IRAK4: variants seen among roughly 807,000 people sequenced by gnomAD.
IRAK4 encodes interleukin 1 receptor associated kinase 4.
In IRAK4, 44 loss-of-function variants were observed where a neutral mutation model predicts 51.8. That is an observed-to-expected ratio of 0.85 (90% confidence interval 0.67 to 1.09). The LOEUF (loss-of-function observed/expected upper bound fraction) is 1.09. IRAK4 is among the 50% of genes least tolerant of loss of function. The probability of loss-of-function intolerance (pLI) is 0.00; values close to 1 mark genes in which losing one functional copy is unlikely to be tolerated. For missense variants in IRAK4, 487 were observed against 538.0 expected, an observed-to-expected ratio of 0.91 and a Z score of 0.94; for synonymous variants, 149 against 174.1, an observed-to-expected ratio of 0.86 and a Z score of 1.13.
At chr12:43,771,558 G>A (rs940921316) in intron 3 of IRAK4, among the ~76,000 whole-genome samples, 193 bp downstream of exon 3, 2 of 152,210 alleles carry the variant, frequency 1.3e-5, no homozygotes, top group African/African-American at 4.8e-5. Context: ...TGCTGCTAAG[G>A]TGATAGAAGC....
At chr12:43,763,616 T>C (rs572760487) in intron 1 of IRAK4, among the ~76,000 whole-genome samples, 147 of 152,226 alleles carry the variant, frequency 9.7e-4, no homozygotes, top group African/African-American at 3.4e-3. Context: ...TACAATAGTT[T>C]TTAAGAGGGT....
chr12:43,760,027 G>C (rs1939319972), intron 1 of IRAK4, among the ~76,000 whole-genome samples: 1 of 152,182 alleles, frequency 6.6e-6, no homozygotes, highest in Admixed American at 6.5e-5. Context: ...CCCTTTCTTG[G>C]AGTGGTCCTT....
chr12:43,764,114 GAATT>G (rs1340741580), intron 1 of IRAK4, among the ~76,000 whole-genome samples: 3 of 152,108 alleles, frequency 2.0e-5, no homozygotes, highest in Non-Finnish European at 2.9e-5. Context: ...TGGAAAAATT[GAATT>G]AAAAGATAAA....
chr12:43,777,724 C>T lies in IRAK4; in HGVS notation c.811C>T (p.Leu271=). ...VYVYMPNGSL[L]DRLSCLDGTP... ...TGTTTACATGCCTAATGGTTCATTGCTAGACAGACTCTCTTGCTTGGTAAG... is the reference window on the plus strand; with the variant it reads ...TGTTTACATGCCTAATGGTTCATTGTTAGACAGACTCTCTTGCTTGGTAAG... Residue 271 remains leucine, a synonymous_variant, in exon 7 of 12, where the codon CTA becomes TTA. Coordinates refer to ENST00000613694, the MANE Select transcript of IRAK4 (RefSeq NM_016123.4). The T allele has an allele frequency of 6.2e-7, 1 of 1,612,134 alleles. No homozygotes were observed. Among genetic ancestry groups the T allele is most frequent in the Non-Finnish European group, 8.5e-7 (1 of 1,178,492 alleles).
chr12:43,765,490 C>G (rs1940033882), intron 1 of IRAK4, among the ~76,000 whole-genome samples: 1 of 152,092 alleles, frequency 6.6e-6, no homozygotes, highest in East Asian at 1.9e-4. Context: ...GGTGTTTGTT[C>G]TTGCTTTAGT....
chr12:43,779,445 G>T (rs2138018029), intron 8 of IRAK4, among the ~76,000 whole-genome samples: 1 of 152,216 alleles, frequency 6.6e-6, no homozygotes, highest in Admixed American at 6.5e-5. Flanking sequence ...TAGGAATATG[G>T]CATCATATTT....
chr12:43,770,100 T>G (rs1940592888), intron 2 of IRAK4, among the ~76,000 whole-genome samples: 1 of 152,214 alleles, frequency 6.6e-6, no homozygotes, highest in South Asian at 2.1e-4. Flanking sequence ...TTTTTAAAAA[T>G]AAAATCTTTA....
chr12:43,786,618 A>G, intron 11 of IRAK4, 61 bp downstream of exon 11: 2 of 1,608,146 alleles, frequency 1.2e-6, no homozygotes, highest in Non-Finnish European at 1.7e-6. Flanking sequence ...TATTTTCCAG[A>G]GTGTATATTT....
At chr12:43,771,495 C>G (rs1383466698) in intron 3 of IRAK4, 130 bp downstream of exon 3, 2 of 914,056 alleles carry the variant, frequency 2.2e-6, no homozygotes, top group Non-Finnish European at 3.4e-6. Context: ...CCCTTTCTTT[C>G]AGCACTCCTC....
intron 1 of IRAK4, among the ~76,000 whole-genome samples, chr12:43,766,067 C>T (rs976057379): frequency 6.6e-6 from 1 of 152,120 alleles, no homozygotes; most frequent in Admixed American, 6.6e-5. Flanking sequence ...CAGAGGAATC[C>T]ACTTAACCAT....
rs191332853 is a variant in IRAK4, at chr12:43,762,626, C to G, written c.-10+3610C>G. On this transcript the variant is annotated intron_variant, in intron 1 of 11. Transcript: ENST00000613694. ...GGTTGGGTCCTAGCTCAGGAGAGCACCCATCTAACAGAGAAAGCAAACACA... is the reference window on the plus strand; with the variant it reads ...GGTTGGGTCCTAGCTCAGGAGAGCAGCCATCTAACAGAGAAAGCAAACACA... Among the ~76,000 whole-genome samples the G allele has an allele frequency of 4.6e-5, 7 of 152,158 alleles. No individual in the cohort carries two copies. The East Asian group carries it at 7.7e-4, about 17-fold the overall frequency.
At chr12:43,761,630 G>C (rs570532333) in intron 1 of IRAK4, among the ~76,000 whole-genome samples, 1 of 152,236 alleles carries the variant, frequency 6.6e-6, no homozygotes, top group Non-Finnish European at 1.5e-5. Flanking sequence ...AGTTGGCTTT[G>C]GTTAGAACTT....
chr12:43,772,383 T>C (rs776861564), intron 4 of IRAK4, 21 bp downstream of exon 4: 9 of 1,598,064 alleles, frequency 5.6e-6, no homozygotes, highest in Non-Finnish European at 7.7e-6. Context: ...TTTTCAGTGC[T>C]TTCCACTAGG....
chr12:43,771,802 C>T (rs992948146), intron 3 of IRAK4, among the ~76,000 whole-genome samples: 3 of 152,064 alleles, frequency 2.0e-5, no homozygotes, highest in Non-Finnish European at 4.4e-5. Flanking sequence ...GCCTTTCACA[C>T]CAGTGGTTCT....
intron 1 of IRAK4, chr12:43,763,459 A>G (rs900164846): frequency 5.9e-5 from 9 of 152,166 alleles, no homozygotes; most frequent in Non-Finnish European, 1.2e-4. Context: ...AGGAAAAGGT[A>G]ATTATTTTAT....
intron 6 of IRAK4, among the ~76,000 whole-genome samples, chr12:43,777,030 G>C (rs956225986): frequency 1.3e-5 from 2 of 152,168 alleles, no homozygotes. Flanking sequence ...GTGAGCATCA[G>C]CCTAGTCCTT....
chr12:43,780,179 A>T (rs79154645), intron 8 of IRAK4, among the ~76,000 whole-genome samples: 2,833 of 152,238 alleles, frequency 0.019, 57 homozygotes, highest in South Asian at 0.072. Flanking sequence ...CTTTATGGAA[A>T]CCCATTTCCA....
chr12:43,785,680 A>C, intron 10 of IRAK4, among the ~76,000 whole-genome samples: 1 of 150,248 alleles, frequency 6.7e-6, no homozygotes, highest in Non-Finnish European at 1.5e-5. Context: ...GTGTTGCCTA[A>C]TGACAGGAAT....
At chr12:43,761,170 A>T (rs977138223) in intron 1 of IRAK4, among the ~76,000 whole-genome samples, 3 of 152,210 alleles carry the variant, frequency 2.0e-5, no homozygotes, top group African/African-American at 7.2e-5. Context: ...GTTCATAATG[A>T]TGATGTTAAA....
Sources: allele counts gnomAD v4.1 joint callset (sites outside exome capture counted in the v4.1 genomes callset), GRCh38; gene constraint gnomAD v4.1.1; transcripts MANE v1.5; gene names NCBI Gene and HGNC (gene_info 2026-07-23, HGNC 2026-07-21).